Variants in TRMT11 observed in about 807,000 individuals in gnomAD.
The protein encoded by TRMT11 is tRNA (guanine(10)-N(2))-methyltransferase TRMT11.
TRMT11 carries 53 observed loss-of-function variants against 62.8 expected under a neutral mutation model. That is an observed-to-expected ratio of 0.84 (90% CI 0.68 to 1.06). The LOEUF (loss-of-function observed/expected upper bound fraction) is 1.06, where lower values mean the gene tolerates loss of function less well. TRMT11 is among the 50% of genes least tolerant of loss of function. The pLI is 0.00. For missense variants in TRMT11, 556 were observed against 553.4 expected (o/e 1.00, Z -0.05); for synonymous variants, 188 against 190.3 (o/e 0.99, Z 0.10).
chr6:126,080,413 A>G (rs1777136882), intron 17 of TRMT11, among the ~76,000 whole-genome samples: 1 of 152,108 alleles, frequency 6.6e-6, no homozygotes, highest in Non-Finnish European at 1.5e-5. Flanking sequence ...TCTTACAGCC[A>G]AAAATCTGAC....
chr6:126,127,750 T>G (rs1053910509), intron 21 of TRMT11, among the ~76,000 whole-genome samples: 2 of 147,282 alleles, frequency 1.4e-5, no homozygotes, highest in Non-Finnish European at 3.0e-5. Flanking sequence ...TGAGAACACG[T>G]GGTGTTTGCT....
chr6:126,100,715 A>G (rs905712624), intron 17 of TRMT11, among the ~76,000 whole-genome samples: 2 of 152,218 alleles, frequency 1.3e-5, no homozygotes, highest in Non-Finnish European at 2.9e-5. Context: ...TTCCACAGAC[A>G]AGAGTCGGGG....
chr6:126,122,068 C>T (rs528179586), intron 21 of TRMT11, among the ~76,000 whole-genome samples: 1 of 152,164 alleles, frequency 6.6e-6, no homozygotes, highest in East Asian at 1.9e-4. Flanking sequence ...GAATAAGTCT[C>T]ATGAGATCTG....
At chr6:126,180,071 A>T (rs144775974) in intron 1 of TRMT11, among the ~76,000 whole-genome samples, 143 of 152,290 alleles carry the variant, frequency 9.4e-4, no homozygotes, top group African/African-American at 3.1e-3. Context: ...GTGATAAAGG[A>T]CTGAAAAAAT....
chr6:126,100,726 G>A (rs1164328589), intron 17 of TRMT11, among the ~76,000 whole-genome samples: 1 of 152,180 alleles, frequency 6.6e-6, no homozygotes, highest in Non-Finnish European at 1.5e-5. Context: ...AGAGTCGGGG[G>A]AATGGTTTTG....
chr6:126,194,047 G>A (rs944672726), intron 1 of TRMT11, among the ~76,000 whole-genome samples: 1 of 152,216 alleles, frequency 6.6e-6, no homozygotes, highest in Admixed American at 6.5e-5. Flanking sequence ...ATATGGTTTA[G>A]ACTTTAAAAA....
intron 12 of TRMT11, among the ~76,000 whole-genome samples, chr6:126,024,398 T>C (rs1225933361): frequency 1.3e-5 from 2 of 152,208 alleles, no homozygotes; most frequent in East Asian, 3.8e-4. Flanking sequence ...ACTTCTGGTG[T>C]CTCTTTCTCT....
At chr6:126,141,544 A>C (rs1345880803) in intron 21 of TRMT11, among the ~76,000 whole-genome samples, 2 of 152,156 alleles carry the variant, frequency 1.3e-5, no homozygotes, top group Non-Finnish European at 2.9e-5. Context: ...CTCCAAGTCC[A>C]CCAAGCCTGG....
Position 126,118,557 on chromosome 6 carries a change from G to A in TRMT11, c.*1823+2702G>A, listed in dbSNP as rs142008927. Among the ~76,000 whole-genome samples the A allele has an allele frequency of 3.9e-3, 596 of 152,196 alleles. 4 individuals carry two copies. The highest frequency in any genetic ancestry group is 0.014 in the African/African-American group (581 of 41,556). The stretch of plus-strand genomic sequence containing the variant: ...AAGTCTGATGAAGTGATATTGTCTG[G>A]AAAATGAGCATTGATTCCTAGGGAG... On this transcript the variant is annotated intron_variant and NMD_transcript_variant, in intron 21 of 22. Transcript: ENST00000648977.
chr6:126,011,130 T>C (rs1470350671), intron 8 of TRMT11, 123 bp from the exon 9 acceptor site: 1 of 811,486 alleles, frequency 1.2e-6, no homozygotes, highest in Non-Finnish European at 1.8e-6. Flanking sequence ...ATTAAGATTT[T>C]AAATGAAAGC....
At chr6:126,153,610 G>T (rs1001205594) in intron 21 of TRMT11, among the ~76,000 whole-genome samples, 5 of 152,132 alleles carry the variant, frequency 3.3e-5, no homozygotes, top group South Asian at 2.1e-4. Flanking sequence ...AAATTTAGAG[G>T]TTGCGCTTTC....
At chr6:126,131,188 A>C (rs1027370171) in intron 21 of TRMT11, among the ~76,000 whole-genome samples, 2 of 152,110 alleles carry the variant, frequency 1.3e-5, no homozygotes, top group African/African-American at 4.8e-5. Flanking sequence ...ATGTCTGAAG[A>C]CAACAGACAG....
chr6:126,252,672 G>A, the TRMT11 span, among the ~76,000 whole-genome samples: 1 of 152,100 alleles, frequency 6.6e-6, no homozygotes, highest in Non-Finnish European at 1.5e-5. Flanking sequence ...AAAGCAAATA[G>A]AGAATAGTAG....
intron 17 of TRMT11, among the ~76,000 whole-genome samples, chr6:126,057,234 GTCC>G (rs2128120209): frequency 6.6e-6 from 1 of 152,286 alleles, no homozygotes; most frequent in African/African-American, 2.4e-5. Context: ...CTCTCACCTA[GTCC>G]TCCATGGCAA....
At chr6:126,187,409 G>A (rs896747183) in intron 1 of TRMT11, among the ~76,000 whole-genome samples, 1 of 151,922 alleles carries the variant, frequency 6.6e-6, no homozygotes, top group Non-Finnish European at 1.5e-5. Flanking sequence ...AATAAAAAAT[G>A]TGCAAGACCC....
chr6:126,268,050 C>T, the TRMT11 span, among the ~76,000 whole-genome samples: 2 of 152,124 alleles, frequency 1.3e-5, no homozygotes, highest in African/African-American at 4.8e-5. Context: ...ATAAAGCAGT[C>T]CCATCATTTA....
chr6:126,270,627 G>A, the TRMT11 span, among the ~76,000 whole-genome samples: 4 of 151,984 alleles, frequency 2.6e-5, no homozygotes, highest in African/African-American at 4.8e-5. Flanking sequence ...TTGTTCTCAG[G>A]CAATACATGC....
At chr6:126,122,095 G>T (rs900815376) in intron 21 of TRMT11, among the ~76,000 whole-genome samples, 6 of 152,030 alleles carry the variant, frequency 3.9e-5, no homozygotes, top group African/African-American at 1.4e-4. Context: ...TTATAAAGGG[G>T]CGTTCCCCTG....
At chr6:126,050,329 CAA>C (rs536546298) in intron 16 of TRMT11, among the ~76,000 whole-genome samples, 7,899 of 68,264 alleles carry the variant, frequency 0.12, 564 homozygotes, top group African/African-American at 0.26. Flanking sequence ...GACTTCATCT[CAA>C]AAAAAAAAAA....
Sources: gnomAD v4.1 joint callset for allele counts (sites outside exome capture counted in the v4.1 genomes callset) on GRCh38, gnomAD v4.1.1 for gene constraint, MANE v1.5 for transcripts, NCBI Gene and HGNC (gene_info 2026-07-23, HGNC 2026-07-21) for gene names.